CTNNBL1: variants seen among roughly 807,000 people sequenced by gnomAD.
CTNNBL1 encodes catenin beta like 1, also known as beta-catenin-like protein 1.
In CTNNBL1, 31 loss-of-function variants were observed where a neutral mutation model predicts 72.7. The ratio of observed to expected loss-of-function variants is 0.43; its 90% CI spans 0.32 to 0.58. The LOEUF is 0.58. Among genes scored for constraint, CTNNBL1 ranks in the 20% least tolerant of loss-of-function variants. CTNNBL1 has a pLI of 0.08. For synonymous variants in CTNNBL1, 240 were observed against 267.3 expected (o/e 0.90, Z 1.00); for missense variants, 534 against 725.1 (o/e 0.74, Z 3.03).
chr20:37,763,629 C>G (rs1164573704), intron 5 of CTNNBL1, among the ~76,000 whole-genome samples: 1 of 152,142 alleles, frequency 6.6e-6, no homozygotes, highest in African/African-American at 2.4e-5. Flanking sequence ...TGAATTGTGT[C>G]TATAGAATAC....
At chr20:37,701,364 T>C (rs541428544) in intron 1 of CTNNBL1, among the ~76,000 whole-genome samples, 18 of 152,322 alleles carry the variant, frequency 1.2e-4, no homozygotes, top group African/African-American at 4.1e-4. Context: ...CATCTGTCAT[T>C]AGTATTTACC....
At chr20:37,727,253 T>C in intron 1 of CTNNBL1, 2 of 705,368 alleles carry the variant, frequency 2.8e-6, no homozygotes, top group Non-Finnish European at 3.5e-6. Context: ...ATTTAATTTT[T>C]TTAACTCCTT....
At chr20:37,801,904 G>A (rs1224778677) in intron 10 of CTNNBL1, among the ~76,000 whole-genome samples, 3 of 152,216 alleles carry the variant, frequency 2.0e-5, no homozygotes, top group African/African-American at 7.2e-5. Flanking sequence ...AAAGGAAGAA[G>A]TAAAACTATC....
intron 11 of CTNNBL1, among the ~76,000 whole-genome samples, chr20:37,818,494 A>G (rs984573905): frequency 2.0e-5 from 3 of 152,228 alleles, no homozygotes; most frequent in Non-Finnish European, 4.4e-5. Flanking sequence ...AAAGGCAAGT[A>G]TTCCAGCCTT....
chr20:37,809,413 C>A (rs1264263043), intron 11 of CTNNBL1, among the ~76,000 whole-genome samples: 2 of 152,152 alleles, frequency 1.3e-5, no homozygotes, highest in African/African-American at 4.8e-5. Context: ...AGTCTTTACA[C>A]ATCCAATCAT....
At chr20:37,776,136 C>T (rs2073571487) in intron 7 of CTNNBL1, among the ~76,000 whole-genome samples, 1 of 152,156 alleles carries the variant, frequency 6.6e-6, no homozygotes. Context: ...TGCTGAATTT[C>T]TTGAAACAAG....
intron 5 of CTNNBL1, among the ~76,000 whole-genome samples, chr20:37,758,359 C>T (rs2073383724): frequency 6.6e-6 from 1 of 152,220 alleles, no homozygotes; most frequent in African/African-American, 2.4e-5. Context: ...GCAGCTAACC[C>T]AGAGGAGTTG....
intron 15 of CTNNBL1, among the ~76,000 whole-genome samples, chr20:37,864,865 G>C (rs1290466343): frequency 1.3e-5 from 2 of 152,170 alleles, no homozygotes; most frequent in African/African-American, 4.8e-5. Context: ...ATGGTAGGTA[G>C]AGTAGTCACT....
intron 4 of CTNNBL1, among the ~76,000 whole-genome samples, chr20:37,755,049 C>T (rs541094212): frequency 3.3e-5 from 5 of 152,216 alleles, no homozygotes; most frequent in Non-Finnish European, 5.9e-5. Flanking sequence ...TCAAGTAATC[C>T]GCCCACCTCG....
intron 1 of CTNNBL1, among the ~76,000 whole-genome samples, chr20:37,702,784 A>G (rs960382955): frequency 6.6e-6 from 1 of 152,166 alleles, no homozygotes; most frequent in Non-Finnish European, 1.5e-5. Context: ...CACACTTTTT[A>G]CTAAACTGTA....
At chr20:37,840,643 G>A (rs1422652318) in intron 12 of CTNNBL1, among the ~76,000 whole-genome samples, 1 of 152,232 alleles carries the variant, frequency 6.6e-6, no homozygotes, top group Non-Finnish European at 1.5e-5. Flanking sequence ...GTCAGTGGGA[G>A]GTGAATTAGA....
intron 11 of CTNNBL1, among the ~76,000 whole-genome samples, chr20:37,839,034 C>T (rs920202238): frequency 6.6e-6 from 1 of 151,878 alleles, no homozygotes; most frequent in African/African-American, 2.4e-5. Context: ...GTTTTCAAAG[C>T]CATAGGACAA....
At chr20:37,824,727 C>G (rs536770999) in intron 11 of CTNNBL1, among the ~76,000 whole-genome samples, 3 of 152,200 alleles carry the variant, frequency 2.0e-5, no homozygotes, top group African/African-American at 4.8e-5. Context: ...ATTTTTATCA[C>G]AGGGCCAGGG....
intron 4 of CTNNBL1, among the ~76,000 whole-genome samples, chr20:37,756,682 G>C (rs1268399147): frequency 7.4e-6 from 1 of 136,006 alleles, no homozygotes; most frequent in Non-Finnish European, 1.5e-5. Flanking sequence ...CTGTTTCCCA[G>C]GCTGGAGTGC....
chr20:37,865,235 C>G (rs1337048988), intron 15 of CTNNBL1, among the ~76,000 whole-genome samples: 1 of 152,102 alleles, frequency 6.6e-6, no homozygotes, highest in African/African-American at 2.4e-5. Flanking sequence ...ACGTCCCTCA[C>G]AAGTGAGGTG....
intron 10 of CTNNBL1, among the ~76,000 whole-genome samples, chr20:37,797,091 C>T (rs910881292): frequency 4.6e-5 from 7 of 152,170 alleles, no homozygotes; most frequent in East Asian, 1.9e-4. Flanking sequence ...TGCCTGTGGT[C>T]GTATTTATTA....
chr20:37,733,064 A>G lies in CTNNBL1; in HGVS notation c.216A>G (p.Glu72=). The change falls in exon 2 of 16, where the codon GAA becomes GAG. Residue 72 remains glutamate (E), a synonymous_variant. Coordinates refer to ENST00000361383, the MANE Select transcript of CTNNBL1 (RefSeq NM_030877.5). The part of the protein sequence containing the change: ...IIDRDGEEEE[E]EEEPLDESSV... ...ACAGAGATGGGGAAGAGGAAGAGGA[A>G]GAGGTAACGTGGCAGCGCTGGGTGG... 7 of 1,612,386 alleles carry G rather than the reference A, an allele frequency of 4.3e-6. No homozygotes were observed. Among genetic ancestry groups the G allele is most frequent in the Non-Finnish European group, 5.9e-6 (7 of 1,179,616 alleles).
intron 11 of CTNNBL1, among the ~76,000 whole-genome samples, chr20:37,815,121 G>T (rs1287865699): frequency 1.4e-5 from 2 of 145,896 alleles, no homozygotes; most frequent in East Asian, 4.1e-4. Context: ...TTGTATAAAG[G>T]GAATCATGAT....
chr20:37,835,009 A>G (rs2072241856), intron 11 of CTNNBL1, among the ~76,000 whole-genome samples: 1 of 152,262 alleles, frequency 6.6e-6, no homozygotes, highest in African/African-American at 2.4e-5. Flanking sequence ...AAATTAGGGA[A>G]CCTATTTGCA....
Sources: gnomAD v4.1 joint callset for allele counts (sites outside exome capture counted in the v4.1 genomes callset) on GRCh38, gnomAD v4.1.1 for gene constraint, MANE v1.5 for transcripts, NCBI Gene and HGNC (gene_info 2026-07-23, HGNC 2026-07-21) for gene names.